CHST9: variants seen among roughly 807,000 people sequenced by gnomAD.
CHST9 encodes the protein carbohydrate sulfotransferase 9.
Under a neutral mutation model 44.4 loss-of-function variants are expected in CHST9, and 41 were observed. The ratio of observed to expected loss-of-function variants is 0.92; its 90% CI spans 0.72 to 1.20. The LOEUF (loss-of-function observed/expected upper bound fraction) is 1.20. Ranked by LOEUF, CHST9 falls within the 50% of genes most tolerant of loss-of-function variation. CHST9 has a pLI of 0.00. For missense variants in CHST9, 504 were observed against 516.5 expected, an observed-to-expected ratio of 0.98 and a Z score of 0.23; for synonymous variants, 171 against 178.4, an observed-to-expected ratio of 0.96 and a Z score of 0.33.
At chr18:26,948,616 A>G (rs2056199345) in intron 4 of CHST9, among the ~76,000 whole-genome samples, 3 of 152,246 alleles carry the variant, frequency 2.0e-5, no homozygotes. Context: ...ACTGAACTCT[A>G]GAAAATGGAC....
At chr18:27,040,476 C>G (rs1312959847) in intron 3 of CHST9, among the ~76,000 whole-genome samples, 1 of 152,134 alleles carries the variant, frequency 6.6e-6, no homozygotes, top group Non-Finnish European at 1.5e-5. Flanking sequence ...ACAACAGGTA[C>G]CTCCCTTTGT....
chr18:27,130,086 T>C (rs539638948), intron 2 of CHST9, among the ~76,000 whole-genome samples: 1 of 152,308 alleles, frequency 6.6e-6, no homozygotes, highest in Admixed American at 6.5e-5. Flanking sequence ...TGTTACCTAC[T>C]GGCTATGCAA....
chr18:27,168,210 G>T (rs1226328628), intron 1 of CHST9, among the ~76,000 whole-genome samples: 1 of 152,006 alleles, frequency 6.6e-6, no homozygotes, highest in Non-Finnish European at 1.5e-5. Flanking sequence ...GAGTAGCTGG[G>T]ACTACAGGTG....
At chr18:27,156,586 A>G (rs908126391) in intron 1 of CHST9, among the ~76,000 whole-genome samples, 1 of 152,134 alleles carries the variant, frequency 6.6e-6, no homozygotes, top group Non-Finnish European at 1.5e-5. Flanking sequence ...AGAAAGAGAC[A>G]AAGATTTTAA....
At chr18:27,074,704 AAAATTAACAAAGC>A (rs2143658384) in intron 2 of CHST9, among the ~76,000 whole-genome samples, 1 of 152,014 alleles carries the variant, frequency 6.6e-6, no homozygotes, top group South Asian at 2.1e-4. Context: ...CTAGCTTTGC[AAAATTAACAAAGC>A]TTATACTTTA....
intron 4 of CHST9, among the ~76,000 whole-genome samples, chr18:26,966,925 T>G (rs1180219253): frequency 2.0e-5 from 3 of 151,452 alleles, no homozygotes; most frequent in Non-Finnish European, 4.4e-5. Flanking sequence ...CAGAAGATTC[T>G]GGAAATTGAC....
intron 2 of CHST9, among the ~76,000 whole-genome samples, chr18:27,106,227 C>T (rs1172139853): frequency 6.6e-6 from 1 of 152,098 alleles, no homozygotes; most frequent in African/African-American, 2.4e-5. Context: ...TTTTCAACTG[C>T]TTTTATTTGC....
chr18:26,975,765 A>ATATATAT (rs1598609397), intron 4 of CHST9, among the ~76,000 whole-genome samples: 5 of 114,328 alleles, frequency 4.4e-5, no homozygotes, highest in Admixed American at 2.0e-4. Flanking sequence ...ATATATATAT[A>ATATATAT]ACATTTTCTT....
intron 2 of CHST9, among the ~76,000 whole-genome samples, chr18:27,070,889 G>C (rs2057831824): frequency 6.6e-6 from 1 of 152,158 alleles, no homozygotes. Context: ...TCAGTGCTGG[G>C]TATTGATGAA....
At chr18:27,053,151 A>AGAAGAAGAG (rs1438077567) in intron 2 of CHST9, among the ~76,000 whole-genome samples, 37 of 142,486 alleles carry the variant, frequency 2.6e-4, no homozygotes, top group Non-Finnish European at 4.4e-4. Flanking sequence ...AAGAAGAAGA[A>AGAAGAAGAG]GAAGAAGAAG....
At chr18:27,040,996 A>C (rs538551797) in intron 3 of CHST9, among the ~76,000 whole-genome samples, 12 of 152,268 alleles carry the variant, frequency 7.9e-5, no homozygotes, top group African/African-American at 2.6e-4. Context: ...ATTTACCTAG[A>C]ATGCTCAATT....
intron 4 of CHST9, among the ~76,000 whole-genome samples, chr18:26,974,706 C>T (rs1786628): frequency 0.64 from 95,432 of 149,050 alleles, 30,938 homozygotes; most frequent in East Asian, 0.73. Flanking sequence ...CAGGGTCTCA[C>T]TCTGTCACCC....
At chr18:26,984,747 A>T (rs1307635201) in intron 4 of CHST9, among the ~76,000 whole-genome samples, 1 of 150,346 alleles carries the variant, frequency 6.7e-6, no homozygotes, top group Admixed American at 6.6e-5. Context: ...AAAAAAAAAG[A>T]AATTGAAAAG....
rs185131827 is a variant in CHST9 at position 27,090,135 on chromosome 18, A to G, written c.122-41632T>C. ...GTTTCCTGACTTTTTAATGATTGCC[A>G]TTCTAACTGGTGTGAGATGGTATCT... On this transcript the variant is annotated intron_variant, in intron 2 of 5. Transcript: ENST00000618847. 3.0e-3 allele frequency among the ~76,000 whole-genome samples: 456 copies of G among 152,208 alleles called. 2 individuals are homozygous for G. Among genetic ancestry groups the G allele is most frequent in the Admixed American group, 6.5e-3 (100 of 15,282 alleles).
chr18:27,080,688 A>G (rs762849134), intron 2 of CHST9, among the ~76,000 whole-genome samples: 2 of 152,196 alleles, frequency 1.3e-5, no homozygotes, highest in Non-Finnish European at 2.9e-5. Flanking sequence ...TGAGCCACAC[A>G]CTGGAACTAG....
At chr18:27,028,152 G>C (rs192891865) in intron 3 of CHST9, among the ~76,000 whole-genome samples, 1 of 152,260 alleles carries the variant, frequency 6.6e-6, no homozygotes, top group East Asian at 1.9e-4. Context: ...TTGACCTTGT[G>C]ATCTGCCTGC....
intron 4 of CHST9, among the ~76,000 whole-genome samples, chr18:26,968,857 G>A (rs1410793227): frequency 2.0e-5 from 3 of 152,068 alleles, no homozygotes; most frequent in Non-Finnish European, 4.4e-5. Context: ...CAGGTGGCTG[G>A]TCAGTTTTGC....
intron 2 of CHST9, among the ~76,000 whole-genome samples, chr18:27,141,403 C>T (rs554460572): frequency 6.7e-6 from 1 of 150,262 alleles, no homozygotes; most frequent in South Asian, 2.1e-4. Flanking sequence ...CCAGCCTGGT[C>T]AACATGGTGA....
Position 26,917,270 on chromosome 18 carries a change from G to C in CHST9, c.321C>G (p.Leu107=). The C allele has an allele frequency of 6.2e-7, 1 of 1,613,744 alleles. No homozygotes were observed. The change falls in exon 6 of 6, where the codon CTC becomes CTG. Residue 107 remains leucine, a synonymous_variant. Coordinates refer to ENST00000618847, the MANE Select transcript of CHST9 (RefSeq NM_031422.6). ...CTTGTGAATGACTGGTCTTTGTTAA[G>C]AGCCTAGTAGATCTCTCAGAATTGA... ...LLLNSERSTR[L]LTKTSHSQGG...
Sources: gnomAD v4.1 joint callset for allele counts (sites outside exome capture counted in the v4.1 genomes callset) on GRCh38, gnomAD v4.1.1 for gene constraint, MANE v1.5 for transcripts, NCBI Gene and HGNC (gene_info 2026-07-23, HGNC 2026-07-21) for gene names.